GPHN: variants seen among roughly 807,000 people sequenced by gnomAD.
GPHN encodes gephyrin.
Under a neutral mutation model 95.5 loss-of-function variants are expected in GPHN, and 17 were observed. The ratio of observed to expected loss-of-function variants is 0.18; its 90% CI spans 0.12 to 0.27. GPHN has a LOEUF of 0.27. GPHN is among the 10% of genes least tolerant of loss of function. The pLI, the probability that GPHN is intolerant of heterozygous loss-of-function variation, is 1.00. For missense variants in GPHN, 660 were observed against 978.1 expected (o/e 0.67, Z 4.34); for synonymous variants, 320 against 322.5 (o/e 0.99, Z 0.08).
chr14:67,577,215 C>T, the GPHN span: 1 of 837,458 alleles, frequency 1.2e-6, no homozygotes, highest in Admixed American at 2.1e-5. Flanking sequence ...CACTATCTTC[C>T]CCATAAATTA....
chr14:66,999,147 A>G (rs1367163342), intron 9 of GPHN, among the ~76,000 whole-genome samples: 2 of 151,938 alleles, frequency 1.3e-5, no homozygotes, highest in Non-Finnish European at 2.9e-5. Context: ...AGAAGTTGTT[A>G]AAAGTCATTA....
the GPHN span, among the ~76,000 whole-genome samples, chr14:67,734,730 C>T: frequency 6.6e-6 from 1 of 152,170 alleles, no homozygotes; most frequent in Non-Finnish European, 1.5e-5. Flanking sequence ...ATTTTACTCC[C>T]CCATGGCCTA....
At position 67,059,166 on chromosome 14, in the gene GPHN, A is replaced by G. The variant is rs143336860; in HGVS notation, c.1144+380A>G. The G allele has an allele frequency of 3.5e-3, 932 of 268,280 alleles. 3 individuals carry two copies. The highest frequency in any genetic ancestry group is 4.7e-3 in the Non-Finnish European group (686 of 144,702). The allele number at this position is 268,280 out of a possible 1,614,324, so 16.6% of individuals were successfully genotyped here. On this transcript the variant is annotated intron_variant, in intron 11 of 22. Coordinates refer to ENST00000478722, the MANE Select transcript of GPHN (RefSeq NM_020806.5). ...GTCCTTTCTGTCAGAAATGGGAGAC[A>G]ACTAATATGTCTTGTAATCATCTTT... is the stretch of plus-strand genomic sequence containing the variant.
chr14:66,591,052 A>G (rs1253132841), intron 1 of GPHN, among the ~76,000 whole-genome samples: 1 of 152,252 alleles, frequency 6.6e-6, no homozygotes, highest in African/African-American at 2.4e-5. Context: ...GCAACGATGA[A>G]AACCACATGA....
chr14:67,460,263 C>T, the GPHN span, among the ~76,000 whole-genome samples: 1 of 151,888 alleles, frequency 6.6e-6, no homozygotes, highest in African/African-American at 2.4e-5. Context: ...GGCCAGATCA[C>T]CAGATGACCC....
chr14:67,385,151 G>A, the GPHN span: 12 of 152,180 alleles, frequency 7.9e-5, no homozygotes, highest in African/African-American at 2.4e-4. Context: ...CTGATACCAC[G>A]AGGAAAAGAA....
chr14:67,159,285 A>G, intron 18 of GPHN, 130 bp from the exon 19 acceptor site: 1 of 720,244 alleles, frequency 1.4e-6, no homozygotes. Context: ...GTGTTAAGCA[A>G]ATCAACTCCA....
chr14:66,979,629 C>G (rs2070511718), intron 9 of GPHN, among the ~76,000 whole-genome samples: 1 of 152,210 alleles, frequency 6.6e-6, no homozygotes, highest in African/African-American at 2.4e-5. Flanking sequence ...CAGACTTTCT[C>G]CATATTAGCA....
chr14:66,879,319 G>A (rs901380843), intron 4 of GPHN, among the ~76,000 whole-genome samples: 3 of 148,962 alleles, frequency 2.0e-5, no homozygotes, highest in Non-Finnish European at 3.0e-5. Context: ...AAACCTGCAC[G>A]TTCTGCACAT....
intron 9 of GPHN, among the ~76,000 whole-genome samples, chr14:66,999,332 C>G (rs1035142858): frequency 6.6e-6 from 1 of 151,834 alleles, no homozygotes; most frequent in African/African-American, 2.4e-5. Flanking sequence ...TTACTTTGCT[C>G]AGGTTGATTA....
the GPHN span, among the ~76,000 whole-genome samples, chr14:67,439,604 T>TTCTTTC: frequency 1.5e-5 from 2 of 133,512 alleles, no homozygotes; most frequent in South Asian, 2.4e-4. Flanking sequence ...TTCTTTCTTT[T>TTCTTTC]TTGCATCAGA....
the GPHN span, among the ~76,000 whole-genome samples, chr14:67,464,398 C>T: frequency 5.3e-5 from 8 of 152,120 alleles, no homozygotes; most frequent in African/African-American, 1.9e-4. Flanking sequence ...CACTCCATCA[C>T]CCTCTGTCCA....
At chr14:66,820,456 TC>T (rs1447306871) in intron 3 of GPHN, among the ~76,000 whole-genome samples, 2 of 152,190 alleles carry the variant, frequency 1.3e-5, no homozygotes, top group Non-Finnish European at 2.9e-5. Flanking sequence ...AGGGTTTAGC[TC>T]ATCATTATGT....
intron 1 of GPHN, among the ~76,000 whole-genome samples, chr14:66,517,504 A>T (rs985087483): frequency 3.3e-5 from 5 of 152,252 alleles, no homozygotes; most frequent in Non-Finnish European, 2.9e-5. Flanking sequence ...AACAAAAAGG[A>T]CAAAGCTGGA....
intron 11 of GPHN, among the ~76,000 whole-genome samples, chr14:67,073,473 A>T (rs964955897): frequency 4.6e-5 from 7 of 152,122 alleles, no homozygotes; most frequent in Admixed American, 1.3e-4. Flanking sequence ...ATTCTTCCTA[A>T]AAACGTACCC....
chr14:67,122,399 G>A (rs1353373266), intron 17 of GPHN, 22 bp downstream of exon 17: 1 of 1,608,226 alleles, frequency 6.2e-7, no homozygotes, highest in South Asian at 1.1e-5. Flanking sequence ...ATGTCATTCT[G>A]AAAAGTTTGT....
rs780048621 is a variant in GPHN at position 66,579,224 on chromosome 14, A to T, written c.64+70633A>T. On this transcript the variant is annotated intron_variant, in intron 1 of 22. Coordinates refer to ENST00000478722, the MANE Select transcript of GPHN (RefSeq NM_020806.5). ...TAGATACATAGGAGATAAGTAAGAAATCAAAGCATACCACAACAGAGAATC... is the reference window on the plus strand; with the variant it reads ...TAGATACATAGGAGATAAGTAAGAATTCAAAGCATACCACAACAGAGAATC... Among the ~76,000 whole-genome samples the T allele has an allele frequency of 2.0e-5, 3 of 151,848 alleles. No homozygotes were observed. The South Asian group carries it at 6.2e-4, about 31-fold the overall frequency.
intron 21 of GPHN, among the ~76,000 whole-genome samples, chr14:67,175,677 C>T (rs551174509): frequency 6.6e-6 from 1 of 152,226 alleles, no homozygotes; most frequent in South Asian, 2.1e-4. Flanking sequence ...GCAGTATGGC[C>T]ATTTTCATGA....
At chr14:67,527,431 T>C in the GPHN span, among the ~76,000 whole-genome samples, 2 of 152,066 alleles carry the variant, frequency 1.3e-5, no homozygotes, top group Non-Finnish European at 2.9e-5. Flanking sequence ...AGAGTGAAAC[T>C]CCATCTCAAA....
Sources: allele counts gnomAD v4.1 joint callset (sites outside exome capture counted in the v4.1 genomes callset), GRCh38; gene constraint gnomAD v4.1.1; transcripts MANE v1.5; gene names NCBI Gene and HGNC (gene_info 2026-07-23, HGNC 2026-07-21).